The following CAND1 variants were observed in gnomAD, a reference collection of about 807,000 sequenced individuals.
CAND1 encodes cullin-associated NEDD8-dissociated protein 1.
A neutral mutation model predicts 108.5 loss-of-function variants in CAND1; 7 were observed. The ratio of observed to expected loss-of-function variants is 0.06; its 90% CI spans 0.04 to 0.12. The LOEUF is 0.12. Ranked by LOEUF, CAND1 falls within the 10% of genes least tolerant of loss-of-function variation. The pLI, the probability that CAND1 is intolerant of heterozygous loss-of-function variation, is 1.00. For missense variants in CAND1, 941 were observed against 1,448.7 expected (o/e 0.65, Z 5.69); for synonymous variants, 534 against 512.0 (o/e 1.04, Z -0.58).
chr12:67,273,764 A>G (rs890377695), intron 1 of CAND1, among the ~76,000 whole-genome samples: 3 of 152,166 alleles, frequency 2.0e-5, no homozygotes, highest in Non-Finnish European at 4.4e-5. Flanking sequence ...GGCTTGAGCC[A>G]CTGTGCCCAG....
At chr12:67,279,943 A>G (rs1217278603) in intron 1 of CAND1, among the ~76,000 whole-genome samples, 1 of 152,160 alleles carries the variant, frequency 6.6e-6, no homozygotes, top group Non-Finnish European at 1.5e-5. Flanking sequence ...TTTAAGTAAA[A>G]CAGTTAAGAT....
rs374687331 is a variant in CAND1, at chr12:67,269,679, G to A, written c.-39G>A. ...GCGGCGGCAGCGGCAGCGGGCAGCA[G>A]CTCCAGCAGCGCCAGCAGGCGGGAT... On this transcript the variant is annotated 5_prime_UTR_variant, in exon 1 of 15. Transcript: ENST00000545606. 6.4e-7 allele frequency: 1 copy of A among 1,569,700 alleles called. No homozygotes were observed. The highest frequency in any genetic ancestry group is 8.7e-7 in the Non-Finnish European group (1 of 1,154,328).
In CAND1 at chr12:67,313,706, G is replaced by A. The variant is rs1445743527; in HGVS notation, c.*876G>A. 1 of 152,408 alleles carries A rather than the reference G, an allele frequency of 6.6e-6. No individual in the cohort carries two copies. The highest frequency in any genetic ancestry group is 2.4e-5 in the African/African-American group (1 of 41,384). 9.4% of individuals were successfully genotyped at this position (152,408 alleles called of 1,614,324 possible). On this transcript the variant is annotated 3_prime_UTR_variant, in exon 15 of 15. Transcript: ENST00000545606. ...AATTTTGAATATTTAGTTTTTCTCAGTTACCCATTTGTGTGTGTGTGATTC... is the reference window on the plus strand; with the variant it reads ...AATTTTGAATATTTAGTTTTTCTCAATTACCCATTTGTGTGTGTGTGATTC...
chr12:67,292,055 C>G (rs1032269423), intron 2 of CAND1, among the ~76,000 whole-genome samples: 4 of 152,030 alleles, frequency 2.6e-5, no homozygotes, highest in Non-Finnish European at 5.9e-5. Context: ...TTAGTAGGCA[C>G]GGGGTTTCAC....
Position 67,295,109 on chromosome 12 carries a change from C to T in CAND1, c.444C>T (p.Val148=), listed in dbSNP as rs1258503482. The T allele has an allele frequency of 6.2e-7, 1 of 1,612,930 alleles. No individual in the cohort carries two copies. The highest frequency in any genetic ancestry group is 1.3e-5 in the African/African-American group (1 of 74,982). Residue 148 remains valine (V), a synonymous_variant, in exon 4 of 15, where the codon GTC becomes GTT. Transcript: ENST00000545606. ...GTGCAATAGCAAAACAGGAAGATGT[C>T]TCTGTTCAGCTAGAAGCCTTGGATA... is the stretch of plus-strand genomic sequence containing the variant. ...LTSAIAKQED[V]SVQLEALDIM... is the part of the protein sequence containing the mutation.
intron 6 of CAND1, among the ~76,000 whole-genome samples, chr12:67,298,566 G>T (rs1158127753): frequency 6.6e-6 from 1 of 152,014 alleles, no homozygotes; most frequent in Non-Finnish European, 1.5e-5. Flanking sequence ...TCATTACATC[G>T]GTAGAAGACC....
chr12:67,299,920 G>A (rs1207177259), intron 7 of CAND1, among the ~76,000 whole-genome samples: 3 of 152,134 alleles, frequency 2.0e-5, no homozygotes, highest in Admixed American at 6.5e-5. Flanking sequence ...TGTCAAGTCA[G>A]TAATTTCACC....
chr12:67,304,857 A>G (rs2044862610), intron 9 of CAND1, 111 bp downstream of exon 9: 2 of 1,249,644 alleles, frequency 1.6e-6, no homozygotes, highest in Admixed American at 5.3e-5. Flanking sequence ...ACAACTTAAT[A>G]TGCACATAGA....
intron 3 of CAND1, among the ~76,000 whole-genome samples, chr12:67,294,033 T>TG (rs2044745755): frequency 6.6e-6 from 1 of 152,246 alleles, no homozygotes; most frequent in African/African-American, 2.4e-5. Context: ...CTTTCTTCAA[T>TG]GTATCATACC....
intron 1 of CAND1, among the ~76,000 whole-genome samples, chr12:67,274,585 A>C (rs1426279684): frequency 6.6e-6 from 1 of 152,152 alleles, no homozygotes; most frequent in East Asian, 1.9e-4. Flanking sequence ...GTTTAAGTAG[A>C]ATTGGGTTTT....
intron 2 of CAND1, among the ~76,000 whole-genome samples, chr12:67,282,624 T>C (rs1331222457): frequency 6.6e-6 from 1 of 152,084 alleles, no homozygotes; most frequent in Non-Finnish European, 1.5e-5. Context: ...ACTCCTGGGC[T>C]CAAGTGATCC....
At chr12:67,281,025 G>A (rs1327187678) in intron 1 of CAND1, among the ~76,000 whole-genome samples, 1 of 152,056 alleles carries the variant, frequency 6.6e-6, no homozygotes, top group Non-Finnish European at 1.5e-5. Flanking sequence ...TGGATTCCCT[G>A]AGGTCAGGAG....
At chr12:67,304,959 ATATT>A in intron 9 of CAND1, 141 bp from the exon 10 acceptor site, 1 of 876,548 alleles carries the variant, frequency 1.1e-6, no homozygotes, top group Non-Finnish European at 1.7e-6. Flanking sequence ...TTTGGCTGTA[ATATT>A]TATTGTAGAT....
At position 67,306,040 on chromosome 12, in the gene CAND1, C is replaced by A. The variant is rs918974386; in HGVS notation, c.2372C>A (p.Thr791Asn). ...GPVYSQSTAL[T>N]HKQSYYSIAK... ...GTTTACTCTCAGAGCACAGCTCTTA[C>A]TCATAAGCAGTCTTATTATTCCATT... The change falls in exon 10 of 15, where the codon ACT (threonine) becomes AAT (asparagine). Residue 791 changes from threonine (T) to asparagine (N), a missense_variant. Transcript: ENST00000545606. The A allele has an allele frequency of 3.7e-6, 6 of 1,613,968 alleles. No individual in the cohort carries two copies. In the Admixed American group the frequency reaches 5.0e-5, roughly 13 times the overall value.
At position 67,297,553 on chromosome 12, in the gene CAND1, A is replaced by C; in HGVS notation, c.638A>C (p.Asp213Ala). Residue 213 changes from aspartate to alanine, a missense_variant, in exon 5 of 15, where the codon GAT becomes GCT. Asp to Ala is a moderately radical substitution (Grantham distance 126). Transcript: ENST00000545606. ...AGCTGTGGAAATATAGTTTTTGTAG[A>C]TCTTATTGAACATCTGTTGTCAGAG... ...VMSCGNIVFVDLIEHLLSELS... is the reference protein window; with the variant it reads ...VMSCGNIVFVALIEHLLSELS... 6.2e-7 allele frequency: 1 copy of C among 1,614,130 alleles called. No homozygotes were observed. The highest frequency in any genetic ancestry group is 8.5e-7 in the Non-Finnish European group (1 of 1,180,018).
chr12:67,272,708 TG>T (rs1219713878), intron 1 of CAND1, among the ~76,000 whole-genome samples: 1 of 152,080 alleles, frequency 6.6e-6, no homozygotes. Flanking sequence ...TTTTTTTGTT[TG>T]TTTTTTTGAG....
intron 1 of CAND1, among the ~76,000 whole-genome samples, chr12:67,278,310 A>T (rs1165704455): frequency 6.6e-6 from 1 of 151,902 alleles, no homozygotes; most frequent in East Asian, 1.9e-4. Context: ...GGCATGTACT[A>T]CCATGCCTGG....
chr12:67,287,116 G>A (rs1477379552), intron 2 of CAND1, among the ~76,000 whole-genome samples: 1 of 152,098 alleles, frequency 6.6e-6, no homozygotes, highest in Admixed American at 6.6e-5. Flanking sequence ...TTGTTGTTGG[G>A]AGCTGTGTAT....
intron 2 of CAND1, among the ~76,000 whole-genome samples, chr12:67,288,475 A>T (rs1488007309): frequency 6.6e-6 from 1 of 152,256 alleles, no homozygotes; most frequent in East Asian, 1.9e-4. Context: ...GTTGAGAAGG[A>T]TGTTAAAACT....
Sources: gnomAD v4.1 joint callset for allele counts (sites outside exome capture counted in the v4.1 genomes callset) on GRCh38, gnomAD v4.1.1 for gene constraint, MANE v1.5 for transcripts, NCBI Gene and HGNC (gene_info 2026-07-23, HGNC 2026-07-21) for gene names.